OTC: variants seen among roughly 807,000 people sequenced by gnomAD.
OTC encodes ornithine transcarbamylase.
A neutral mutation model predicts 30.3 loss-of-function variants in OTC; 3 were observed. That is an observed-to-expected ratio of 0.10 (90% CI 0.05 to 0.26). The LOEUF is 0.26. Among genes scored for constraint, OTC ranks in the 10% least tolerant of loss-of-function variants. The pLI is 1.00. For synonymous variants in OTC, 111 were observed against 99.7 expected (o/e 1.11, Z -0.67); for missense variants, 194 against 260.3 (o/e 0.75, Z 1.75).
intron 1 of OTC, among the ~76,000 whole-genome samples, chrX:38,361,873 C>T (rs983378246): frequency 1.8e-5 from 2 of 111,602 alleles, no homozygotes; most frequent in Admixed American, 1.9e-4. Flanking sequence ...AGTCACAGAA[C>T]GATTACAATT....
chrX:38,350,212 A>G (rs2068207516), upstream of OTC, among the ~76,000 whole-genome samples: 1 of 111,681 alleles, frequency 9.0e-6, no homozygotes, highest in Non-Finnish European at 1.9e-5. Flanking sequence ...GTTTGGGGTC[A>G]GAGAGCAGAG....
At chrX:38,339,634 G>C in the OTC span, among the ~76,000 whole-genome samples, 1 of 108,017 alleles carries the variant, frequency 9.3e-6, no homozygotes, top group African/African-American at 3.4e-5. Context: ...ACATATGTTA[G>C]ATTCTACATA....
intron 4 of OTC, among the ~76,000 whole-genome samples, chrX:38,382,502 A>G (rs1264767021): frequency 1.8e-5 from 2 of 112,461 alleles, no homozygotes; most frequent in East Asian, 2.8e-4. Context: ...GAGATTTCAA[A>G]TAACTCTTCT....
chrX:38,371,952 G>T (rs2147326060), intron 3 of OTC, among the ~76,000 whole-genome samples: 1 of 111,754 alleles, frequency 8.9e-6, no homozygotes, highest in Non-Finnish European at 1.9e-5. Flanking sequence ...TATCTTGTGT[G>T]TATATATTTT....
chrX:38,367,875 A>G (rs778611748), intron 2 of OTC, among the ~76,000 whole-genome samples: 6 of 109,963 alleles, frequency 5.5e-5, no homozygotes, highest in Non-Finnish European at 1.1e-4. Context: ...ATACCACCAC[A>G]CCTGGCTAAT....
the OTC span, among the ~76,000 whole-genome samples, chrX:38,340,469 T>TTG: frequency 5.1e-4 from 47 of 92,657 alleles, no homozygotes; most frequent in Non-Finnish European, 8.9e-4. Flanking sequence ...GTTTTTTTTT[T>TTG]TTTGTTTTTT....
intron 9 of OTC, among the ~76,000 whole-genome samples, chrX:38,419,101 C>A (rs1437760478): frequency 9.0e-6 from 1 of 111,554 alleles, no homozygotes; most frequent in Non-Finnish European, 1.9e-5. Context: ...CTGTCCTTTC[C>A]CCATTATGTG....
chrX:38,400,763 C>T (rs1011976372), intron 4 of OTC, among the ~76,000 whole-genome samples: 3 of 112,474 alleles, frequency 2.7e-5, no homozygotes, highest in Admixed American at 9.4e-5. Context: ...GCAGGGCATC[C>T]GAAGGTGTAG....
intron 4 of OTC, among the ~76,000 whole-genome samples, chrX:38,385,605 C>G (rs1364251032): frequency 9.0e-6 from 1 of 111,693 alleles, no homozygotes; most frequent in Non-Finnish European, 1.9e-5. Flanking sequence ...TGGATGTGTT[C>G]AGGAACAGAA....
chrX:38,380,738 T>C (rs1208113236), intron 3 of OTC, among the ~76,000 whole-genome samples: 7 of 112,018 alleles, frequency 6.2e-5, no homozygotes, highest in African/African-American at 2.3e-4. Context: ...TTTTATTTTT[T>C]ATTTTTTTCA....
intron 5 of OTC, 128 bp downstream of exon 5, chrX:38,401,556 C>T (rs1269019373): frequency 8.8e-6 from 5 of 567,013 alleles, no homozygotes; most frequent in East Asian, 3.6e-5. Context: ...CAAAGAATTA[C>T]AGCTTGTGTG....
At chrX:38,398,030 G>A (rs1445408736) in intron 4 of OTC, among the ~76,000 whole-genome samples, 2 of 112,117 alleles carry the variant, frequency 1.8e-5, no homozygotes, top group Non-Finnish European at 3.8e-5. Flanking sequence ...CACCACAGAG[G>A]TTCCAGGGAT....
At chrX:38,364,545 A>T (rs2068285923) in intron 1 of OTC, among the ~76,000 whole-genome samples, 2 of 111,855 alleles carry the variant, frequency 1.8e-5, no homozygotes, top group Admixed American at 1.9e-4. Context: ...TAATCCCAGC[A>T]CTTTGGGAGG....
rs141273695 is a variant in OTC at position 38,367,291 on chromosome X, G to A, written c.78G>A (p.Arg26=). The A allele has an allele frequency of 5.0e-6, 6 of 1,202,878 alleles. No individual in the cohort carries two copies. In the African/African-American group the frequency reaches 8.8e-5, roughly 18 times the overall value. Residue 26 remains arginine, a splice_region_variant and synonymous_variant, in exon 2 of 10, where the codon CGG becomes CGA. Transcript: ENST00000039007. ...NGHNFMVRNF[R]CGQPLQNKVQ... Reference sequence around the variant, plus strand: ...CTCCCTTTTAAATCTCTTTTTACAGGTGTGGACAACCACTACAAAATAAAG... The same window carrying A: ...CTCCCTTTTAAATCTCTTTTTACAGATGTGGACAACCACTACAAAATAAAG...
At chrX:38,350,090 T>A (rs1470186985), upstream of OTC, among the ~76,000 whole-genome samples, 1 of 110,953 alleles carries the variant, frequency 9.0e-6, no homozygotes, top group Admixed American at 9.6e-5. Context: ...AGGAACCCCA[T>A]CTAATCCCCA....
Position 38,367,447 on chromosome X carries a change from T to C in OTC, c.216+18T>C. Reference sequence around the variant, plus strand: ...AAGGAGAGGTATGTAACATTTTCTTTTTACGTTCCATTACTACCAGTCCCC... The same window carrying C: ...AAGGAGAGGTATGTAACATTTTCTTCTTACGTTCCATTACTACCAGTCCCC... On this transcript the variant is annotated intron_variant, in intron 2 of 9. Transcript: ENST00000039007. 8.4e-7 allele frequency: 1 copy of C among 1,187,053 alleles called. No individual in the cohort carries two copies. Among genetic ancestry groups the C allele is most frequent in the South Asian group, 1.8e-5 (1 of 56,192 alleles).
intron 4 of OTC, among the ~76,000 whole-genome samples, chrX:38,394,792 G>A (rs1015916899): frequency 2.7e-5 from 3 of 110,871 alleles, no homozygotes; most frequent in Non-Finnish European, 3.8e-5. Context: ...TTAAAAGACC[G>A]TGTTAATAAG....
intron 6 of OTC, among the ~76,000 whole-genome samples, chrX:38,404,624 C>A (rs1013679802): frequency 1.8e-5 from 2 of 111,625 alleles, no homozygotes; most frequent in East Asian, 2.8e-4. Flanking sequence ...TAAATATCAA[C>A]CTTAGGCCAG....
upstream of OTC, among the ~76,000 whole-genome samples, chrX:38,351,841 A>G (rs1206632496): frequency 2.7e-5 from 3 of 111,156 alleles, no homozygotes; most frequent in Non-Finnish European, 3.8e-5. Context: ...GCTCACTGCA[A>G]CCTCTGTCTC....
Sources: allele counts gnomAD v4.1 joint callset (sites outside exome capture counted in the v4.1 genomes callset), GRCh38; gene constraint gnomAD v4.1.1; transcripts MANE v1.5; gene names NCBI Gene and HGNC (gene_info 2026-07-23, HGNC 2026-07-21).